Variants in SDHB observed in about 807,000 individuals in gnomAD.
SDHB encodes the protein succinate dehydrogenase complex iron sulfur subunit B, also known as succinate dehydrogenase [ubiquinone] iron-sulfur subunit, mitochondrial.
In SDHB, 21 loss-of-function variants were observed where a neutral mutation model predicts 39.7. That is an observed-to-expected ratio of 0.53 (90% CI 0.37 to 0.76). The LOEUF is 0.76. Among genes scored for constraint, SDHB ranks in the 30% least tolerant of loss-of-function variants. The pLI, the probability that SDHB is intolerant of heterozygous loss-of-function variation, is 0.00. For synonymous variants in SDHB, 118 were observed against 117.0 expected (o/e 1.01, Z -0.06); for missense variants, 343 against 350.9 (o/e 0.98, Z 0.18).
chr1:17,032,772 C>T (rs1055618888), intron 3 of SDHB: 7 of 470,592 alleles, frequency 1.5e-5, no homozygotes, highest in Non-Finnish European at 2.7e-5. Context: ...AAGGTGCCAG[C>T]CAGCAGGTCC....
chr1:17,028,867 G>GAA, intron 3 of SDHB, 131 bp from the exon 4 acceptor site: 1 of 1,120,898 alleles, frequency 8.9e-7, no homozygotes. Flanking sequence ...TCTGACAGAG[G>GAA]TGCCTGTTGG....
chr1:17,036,568 G>C (rs980736866), intron 2 of SDHB, among the ~76,000 whole-genome samples: 1 of 151,562 alleles, frequency 6.6e-6, no homozygotes, highest in African/African-American at 2.4e-5. Context: ...ATGGAAAATA[G>C]TTTTTAAATT....
intron 1 of SDHB, chr1:17,045,324 G>T: frequency 4.2e-6 from 1 of 239,542 alleles, no homozygotes; most frequent in South Asian, 4.6e-5. Flanking sequence ...GAAGGAGTGT[G>T]GGGTGTGGTC....
Position 17,024,081 on chromosome 1 carries a change from G to T in SDHB, c.541-7C>A. 1 of 1,601,866 alleles carries T rather than the reference G, an allele frequency of 6.2e-7. No homozygotes were observed. Among genetic ancestry groups the T allele is most frequent in the Non-Finnish European group, 8.5e-7 (1 of 1,170,382 alleles). ...TGCACTCGTAGAGCCCGTCCTGTATGGGGAGAAAAGAGAGGCAGGAGCTTG... is the reference window on the plus strand; with the variant it reads ...TGCACTCGTAGAGCCCGTCCTGTATTGGGAGAAAAGAGAGGCAGGAGCTTG... On this transcript the variant is annotated splice_polypyrimidine_tract_variant and splice_region_variant and intron_variant, in intron 5 of 7. Transcript: ENST00000375499.
At chr1:17,035,346 G>A (rs1459593160) in intron 2 of SDHB, among the ~76,000 whole-genome samples, 3 of 151,988 alleles carry the variant, frequency 2.0e-5, no homozygotes, top group African/African-American at 7.3e-5. Flanking sequence ...AACTGTATCA[G>A]TTGTCCCAAA....
intron 1 of SDHB, among the ~76,000 whole-genome samples, chr1:17,047,245 A>C (rs1213040314): frequency 6.6e-6 from 1 of 151,866 alleles, no homozygotes; most frequent in Non-Finnish European, 1.5e-5. Flanking sequence ...AATCCCAGCT[A>C]CTCGGGAGGC....
intron 4 of SDHB, 130 bp from the exon 5 acceptor site, chr1:17,027,995 CTT>C (rs2078001041): frequency 1.4e-6 from 1 of 690,002 alleles, no homozygotes; most frequent in Non-Finnish European, 2.6e-6. Context: ...AAGCCAGACT[CTT>C]TTCCTTTGTC....
At position 17,033,024 on chromosome 1, in the gene SDHB, C is replaced by G. The variant is rs377245970; in HGVS notation, c.286+36G>C. 9 of 1,540,588 alleles carry G rather than the reference C, an allele frequency of 5.8e-6. 1 individual carries two copies. In the African/African-American group the frequency reaches 1.1e-4, roughly 19 times the overall value. On this transcript the variant is annotated intron_variant, in intron 3 of 7. Coordinates refer to ENST00000375499, the MANE Select transcript of SDHB (RefSeq NM_003000.3). ...CAGCCCAAGCCTCTTTGGAAGACCA[C>G]AAGTATCTGGAGCCCAACAGGAATG...
chr1:17,045,760 T>G (rs976519408), intron 1 of SDHB, among the ~76,000 whole-genome samples: 3 of 152,188 alleles, frequency 2.0e-5, no homozygotes, highest in African/African-American at 4.8e-5. Flanking sequence ...GAACAGGGTT[T>G]AGAGACAGGG....
chr1:17,019,962 C>T (rs1032623408), intron 7 of SDHB, among the ~76,000 whole-genome samples: 14 of 152,142 alleles, frequency 9.2e-5, no homozygotes, highest in African/African-American at 3.1e-4. Flanking sequence ...GTCAAAAAGA[C>T]ACTCTTCATA....
chr1:17,053,202 A>C (rs985294272), intron 1 of SDHB, among the ~76,000 whole-genome samples: 5 of 152,146 alleles, frequency 3.3e-5, no homozygotes, highest in Non-Finnish European at 7.3e-5. Flanking sequence ...GGGCGTGGGA[A>C]AATCTGTTAC....
rs201843552 is a variant in SDHB at position 17,022,779 on chromosome 1, C to T, written c.643-49G>A. On this transcript the variant is annotated intron_variant, in intron 6 of 7. Coordinates refer to ENST00000375499, the MANE Select transcript of SDHB (RefSeq NM_003000.3). ...TGAGCTGCCAATCAACAGGCCAGAGCGGCACCCTGGCTCAACTCAAAGCTC... is the reference window on the plus strand; with the variant it reads ...TGAGCTGCCAATCAACAGGCCAGAGTGGCACCCTGGCTCAACTCAAAGCTC... 7.7e-5 allele frequency: 123 copies of T among 1,591,060 alleles called. 3 individuals are homozygous for T. The South Asian group carries it at 9.0e-4, about 12-fold the overall frequency.
At chr1:17,025,963 TA>T (rs2077989240) in intron 5 of SDHB, among the ~76,000 whole-genome samples, 1 of 152,228 alleles carries the variant, frequency 6.6e-6, no homozygotes, top group African/African-American at 2.4e-5. Context: ...GCTCAACTAG[TA>T]AGTGTAAGGC....
intron 6 of SDHB, chr1:17,023,157 T>C (rs2077972123): frequency 3.2e-6 from 1 of 309,378 alleles, no homozygotes; most frequent in Non-Finnish European, 6.4e-6. Context: ...CAGATAGTAT[T>C]TGTCCCACTT....
At chr1:17,042,201 T>C (rs544147550) in intron 2 of SDHB, among the ~76,000 whole-genome samples, 39 of 152,350 alleles carry the variant, frequency 2.6e-4, no homozygotes, top group Middle Eastern at 3.4e-3. Context: ...TGGTTTTCCA[T>C]CCAACTGTTA....
At chr1:17,028,810 ATCC>A (rs2078006018) in intron 3 of SDHB, 74 bp from the exon 4 acceptor site, 5 of 1,573,250 alleles carry the variant, frequency 3.2e-6, no homozygotes, top group Middle Eastern at 3.4e-4. Context: ...TTTCTTCTGG[ATCC>A]TCCTTGCTGT....
chr1:17,051,627 T>C (rs1276082314), intron 1 of SDHB, among the ~76,000 whole-genome samples: 1 of 152,056 alleles, frequency 6.6e-6, no homozygotes, highest in Non-Finnish European at 1.5e-5. Context: ...AATTATTAGC[T>C]TTTCGGATTC....
intron 2 of SDHB, among the ~76,000 whole-genome samples, chr1:17,037,187 C>A (rs1024137541): frequency 1.3e-5 from 2 of 152,024 alleles, no homozygotes; most frequent in African/African-American, 4.8e-5. Flanking sequence ...ACAAATTATG[C>A]ATAATAAAAA....
At chr1:17,034,751 A>C (rs2078042325) in intron 2 of SDHB, among the ~76,000 whole-genome samples, 1 of 152,164 alleles carries the variant, frequency 6.6e-6, no homozygotes, top group African/African-American at 2.4e-5. Context: ...TGGGAATTGG[A>C]AGCTTTAAAA....
Sources: allele counts gnomAD v4.1 joint callset (sites outside exome capture counted in the v4.1 genomes callset), GRCh38; gene constraint gnomAD v4.1.1; transcripts MANE v1.5; gene names NCBI Gene and HGNC (gene_info 2026-07-23, HGNC 2026-07-21).